PARD3: variants seen among roughly 807,000 people sequenced by gnomAD.
PARD3 encodes the protein partitioning defective 3 homolog.
PARD3 carries 75 observed loss-of-function variants against 155.4 expected under a neutral mutation model. That is an observed-to-expected ratio of 0.48 (90% CI 0.40 to 0.58). The LOEUF is 0.58. PARD3 is among the 20% of genes least tolerant of loss of function. PARD3 has a pLI of 0.00. For missense variants in PARD3, 1,642 were observed against 1,721.7 expected, an observed-to-expected ratio of 0.95 and a Z score of 0.82; for synonymous variants, 576 against 610.5, an observed-to-expected ratio of 0.94 and a Z score of 0.83.
intron 5 of PARD3, among the ~76,000 whole-genome samples, chr10:34,414,865 T>C (rs1287910292): frequency 6.6e-6 from 1 of 151,812 alleles, no homozygotes; most frequent in African/African-American, 2.4e-5. Context: ...AAGTAAGTAC[T>C]GGGAAAAGGA....
intron 5 of PARD3, among the ~76,000 whole-genome samples, chr10:34,428,385 G>A (rs139389941): frequency 1.3e-5 from 2 of 152,234 alleles, no homozygotes; most frequent in East Asian, 1.9e-4. Context: ...GTGTGGTGGT[G>A]TGTGCCTGCA....
intron 2 of PARD3, among the ~76,000 whole-genome samples, chr10:34,597,503 G>A (rs1028560901): frequency 3.3e-5 from 5 of 151,762 alleles, no homozygotes; most frequent in Admixed American, 6.6e-5. Context: ...ATAACAGCTC[G>A]CTGCACCCTC....
chr10:34,679,162 A>G (rs767469194), intron 2 of PARD3, among the ~76,000 whole-genome samples: 1 of 152,148 alleles, frequency 6.6e-6, no homozygotes, highest in Non-Finnish European at 1.5e-5. Context: ...AGGGTAAAAA[A>G]TGGAAAGCAG....
At chr10:34,147,211 A>G (rs1948555916) in intron 22 of PARD3, among the ~76,000 whole-genome samples, 2 of 151,792 alleles carry the variant, frequency 1.3e-5, no homozygotes, top group African/African-American at 4.8e-5. Context: ...CCCCCACCTC[A>G]CCCCGATAAC....
intron 22 of PARD3, among the ~76,000 whole-genome samples, chr10:34,153,189 C>T (rs905388761): frequency 6.6e-6 from 1 of 152,162 alleles, no homozygotes; most frequent in Non-Finnish European, 1.5e-5. Flanking sequence ...AAGCTCACTG[C>T]AGCCTTAAAC....
chr10:34,574,094 ACTTT>A (rs1372370199), intron 2 of PARD3, among the ~76,000 whole-genome samples: 4 of 151,912 alleles, frequency 2.6e-5, no homozygotes, highest in Admixed American at 6.6e-5. Context: ...GAATTCAGGT[ACTTT>A]CTTTTTTCTA....
chr10:34,586,087 A>C (rs1260767877), intron 2 of PARD3, among the ~76,000 whole-genome samples: 1 of 152,226 alleles, frequency 6.6e-6, no homozygotes, highest in East Asian at 1.9e-4. Flanking sequence ...AAAAAAAAGT[A>C]AGTCATATCA....
At chr10:34,429,290 A>C (rs1185044188) in intron 5 of PARD3, among the ~76,000 whole-genome samples, 3 of 152,178 alleles carry the variant, frequency 2.0e-5, no homozygotes, top group Non-Finnish European at 4.4e-5. Context: ...TCATGAATGA[A>C]GGTTTTAGTG....
At chr10:34,645,057 T>C (rs2092794019) in intron 2 of PARD3, among the ~76,000 whole-genome samples, 1 of 152,174 alleles carries the variant, frequency 6.6e-6, no homozygotes, top group African/African-American at 2.4e-5. Flanking sequence ...CTCACTATGT[T>C]GCCCAGGCTG....
chr10:34,339,828 A>G lies in PARD3; in HGVS notation c.2408+1799T>C, dbSNP rs575308668. 2.6e-5 allele frequency among the ~76,000 whole-genome samples: 4 copies of G among 152,290 alleles called. No individual in the cohort carries two copies. In the East Asian group the frequency reaches 7.7e-4, roughly 29 times the overall value. ...TTCTTCCCTATCAATATTCCCACTA[A>G]ACTTATTTCAGACACAATAAACGGT... On this transcript the variant is annotated intron_variant, in intron 16 of 24. Coordinates refer to ENST00000374788, the MANE Select transcript of PARD3 (RefSeq NM_001184785.2).
At chr10:34,165,460 C>T (rs1949485417) in intron 22 of PARD3, among the ~76,000 whole-genome samples, 2 of 152,138 alleles carry the variant, frequency 1.3e-5, no homozygotes, top group Admixed American at 6.5e-5. Flanking sequence ...TGGAATTTTC[C>T]TCAATGTCTA....
At chr10:34,645,837 G>T (rs566312246) in intron 2 of PARD3, among the ~76,000 whole-genome samples, 17 of 152,144 alleles carry the variant, frequency 1.1e-4, no homozygotes, top group Non-Finnish European at 1.9e-4. Context: ...ATTAAAACGT[G>T]TTACTATATC....
chr10:34,175,616 G>C (rs1342109549), intron 22 of PARD3, among the ~76,000 whole-genome samples: 1 of 152,030 alleles, frequency 6.6e-6, no homozygotes, highest in African/African-American at 2.4e-5. Context: ...CAAGCAATGG[G>C]ATATTTTATT....
Position 34,341,380 on chromosome 10 carries a change from C to T in PARD3, c.2408+247G>A, listed in dbSNP as rs547544862. Among the ~76,000 whole-genome samples, 18 of 152,178 alleles carry T rather than the reference C, an allele frequency of 1.2e-4. No homozygotes were observed. The South Asian group carries it at 3.7e-3, about 32-fold the overall frequency. ...AGTGAAAGTGAAAAACAAATGAGCA[C>T]GGTTTTTTGACTGGTAGTAGTTTTG... On this transcript the variant is annotated intron_variant, in intron 16 of 24. Coordinates refer to ENST00000374788, the MANE Select transcript of PARD3 (RefSeq NM_001184785.2).
At chr10:34,518,773 T>C (rs955345716) in intron 2 of PARD3, among the ~76,000 whole-genome samples, 1 of 152,168 alleles carries the variant, frequency 6.6e-6, no homozygotes, top group African/African-American at 2.4e-5. Flanking sequence ...AATCTACTAA[T>C]GGATACTAAC....
intron 2 of PARD3, among the ~76,000 whole-genome samples, chr10:34,644,035 T>G (rs941623379): frequency 2.6e-5 from 4 of 152,250 alleles, no homozygotes; most frequent in Non-Finnish European, 4.4e-5. Flanking sequence ...TTCAGATTTT[T>G]AATTTACTGC....
intron 12 of PARD3, among the ~76,000 whole-genome samples, chr10:34,371,287 A>T (rs1050649662): frequency 1.3e-5 from 2 of 151,942 alleles, no homozygotes; most frequent in African/African-American, 4.8e-5. Flanking sequence ...TATTTATTTT[A>T]TAAGCCAAAA....
chr10:34,570,981 C>A (rs1410547577), intron 2 of PARD3, among the ~76,000 whole-genome samples: 1 of 152,070 alleles, frequency 6.6e-6, no homozygotes, highest in African/African-American at 2.4e-5. Flanking sequence ...GTGGAAGGGG[C>A]AGAACTACAC....
At chr10:34,404,404 C>T (rs114984258) in intron 5 of PARD3, among the ~76,000 whole-genome samples, 126 of 152,242 alleles carry the variant, frequency 8.3e-4, no homozygotes, top group African/African-American at 2.9e-3. Context: ...AGGTGGCTTA[C>T]GCCTGTAATC....
Sources: gnomAD v4.1 joint callset for allele counts (sites outside exome capture counted in the v4.1 genomes callset) on GRCh38, gnomAD v4.1.1 for gene constraint, MANE v1.5 for transcripts, NCBI Gene and HGNC (gene_info 2026-07-23, HGNC 2026-07-21) for gene names.